Variants in ZNF260 observed in about 807,000 individuals in gnomAD.
The protein encoded by ZNF260 is zinc finger protein 260.
In ZNF260, 21 loss-of-function variants were observed where a neutral mutation model predicts 29.3. That is an observed-to-expected ratio of 0.72 (90% confidence interval 0.51 to 1.03). ZNF260 has a LOEUF of 1.03. ZNF260 is among the 50% of genes least tolerant of loss of function. The probability of loss-of-function intolerance (pLI) is 0.00; values close to 1 mark genes in which losing one functional copy is unlikely to be tolerated. For missense variants in ZNF260, 465 were observed against 487.8 expected (o/e 0.95, Z 0.44); for synonymous variants, 156 against 156.8 (o/e 0.99, Z 0.04).
Position 36,513,886 on chromosome 19 carries a change from G to A in ZNF260, c.*114C>T. On this transcript the variant is annotated 3_prime_UTR_variant, in exon 3 of 3. Transcript: ENST00000523638. The stretch of plus-strand genomic sequence containing the variant: ...CATAGTATTTAAGTTTTGAATTGCT[G>A]CTGAAGGACTTCCCACATTCATGTC... The A allele has an allele frequency of 8.3e-7, 1 of 1,198,406 alleles. No homozygotes were observed. Among genetic ancestry groups the A allele is most frequent in the South Asian group, 1.5e-5 (1 of 66,078 alleles). The allele number at this position is 1,198,406 out of a possible 1,614,324, so 74.2% of individuals were successfully genotyped here.
chr19:36,519,136 A>T (rs1447555497), intron 2 of ZNF260, among the ~76,000 whole-genome samples: 1 of 152,254 alleles, frequency 6.6e-6, no homozygotes, highest in East Asian at 1.9e-4. Context: ...AAGACAATGG[A>T]TAATCCTAAC....
chr19:36,516,021 G>A (rs1404515786), intron 2 of ZNF260, among the ~76,000 whole-genome samples: 3 of 151,742 alleles, frequency 2.0e-5, no homozygotes, highest in African/African-American at 4.8e-5. Flanking sequence ...ACAGGAGCCC[G>A]CCACCATGCC....
In ZNF260 at chr19:36,510,911, T is replaced by G. The variant is rs376398127; in HGVS notation, c.*3089A>C. On this transcript the variant is annotated 3_prime_UTR_variant, in exon 3 of 3. Transcript: ENST00000523638. Reference sequence around the variant, plus strand: ...AGCTAGTCCTGGTTTGGTCTGAATTTGAGTCCTAGTTATTCTGGTGACTTC... The same window carrying G: ...AGCTAGTCCTGGTTTGGTCTGAATTGGAGTCCTAGTTATTCTGGTGACTTC... The G allele has an allele frequency of 6.6e-6, 1 of 152,186 alleles. No homozygotes were observed. The highest frequency in any genetic ancestry group is 2.4e-5 in the African/African-American group (1 of 41,444). 9.4% of individuals were successfully genotyped at this position (152,186 alleles called of 1,614,324 possible).
rs1316612417 is a variant in ZNF260, at chr19:36,512,691, C to T, written c.*1309G>A. 1 of 152,124 alleles carries T rather than the reference C, an allele frequency of 6.6e-6. No homozygotes were observed. The highest frequency in any genetic ancestry group is 2.4e-5 in the African/African-American group (1 of 41,442). The allele number at this position is 152,124 out of a possible 1,614,324, so 9.4% of individuals were successfully genotyped here. On this transcript the variant is annotated 3_prime_UTR_variant, in exon 3 of 3. Coordinates refer to ENST00000523638, the MANE Select transcript of ZNF260 (RefSeq NM_001166037.2). ...TTACAATATGTTCATCATTTTTCTT[C>T]ACTCTAATTTTTTAAAAATATTTCT...
chr19:36,511,208 T>C lies in ZNF260; in HGVS notation c.*2792A>G, dbSNP rs936446304. On this transcript the variant is annotated 3_prime_UTR_variant, in exon 3 of 3. Coordinates refer to ENST00000523638, the MANE Select transcript of ZNF260 (RefSeq NM_001166037.2). ...TAAAATCAGTCTAAGGTTTTAATGCTGTATACCCATTTTCATAATCATTCA... is the reference window on the plus strand; with the variant it reads ...TAAAATCAGTCTAAGGTTTTAATGCCGTATACCCATTTTCATAATCATTCA... 8.5e-5 allele frequency: 13 copies of C among 152,206 alleles called. No individual in the cohort carries two copies. Among genetic ancestry groups the C allele is most frequent in the African/African-American group, 3.1e-4 (13 of 41,452 alleles). 9.4% of individuals were successfully genotyped at this position (152,206 alleles called of 1,614,324 possible).
At position 36,513,826 on chromosome 19, in the gene ZNF260, C is replaced by T. The variant is rs73931035; in HGVS notation, c.*174G>A. The T allele has an allele frequency of 3.0e-3, 2,023 of 670,888 alleles. 24 individuals are homozygous for T. Among genetic ancestry groups the T allele is most frequent in the African/African-American group, 0.029 (1,623 of 55,142 alleles). 41.6% of individuals were successfully genotyped at this position (670,888 alleles called of 1,614,324 possible). A position where few individuals can be genotyped will look rare whatever the true frequency, so the allele number is the denominator to read the frequency against. ...GCTTGTTGTGGGAGTTTTGGGGGTA[C>T]GGGTTTTCTTTACACTATAATACTT... is the stretch of plus-strand genomic sequence containing the variant. On this transcript the variant is annotated 3_prime_UTR_variant, in exon 3 of 3. Transcript: ENST00000523638.
At chr19:36,519,289 G>T (rs2034602517) in intron 2 of ZNF260, among the ~76,000 whole-genome samples, 2 of 152,052 alleles carry the variant, frequency 1.3e-5, no homozygotes, top group South Asian at 4.1e-4. Context: ...GGTTATACAA[G>T]AAATCAAACA....
chr19:36,523,630 T>G (rs2145755041), intron 2 of ZNF260, among the ~76,000 whole-genome samples: 1 of 149,866 alleles, frequency 6.7e-6, no homozygotes, highest in South Asian at 2.1e-4. Flanking sequence ...CAGACTGGAG[T>G]GCAGTGGCAT....
At chr19:36,521,386 C>A (rs1052401265) in intron 2 of ZNF260, among the ~76,000 whole-genome samples, 1 of 152,198 alleles carries the variant, frequency 6.6e-6, no homozygotes, top group Non-Finnish European at 1.5e-5. Context: ...AATGACAATG[C>A]TGAACTGAAC....
chr19:36,522,537 G>A (rs2034663442), intron 2 of ZNF260, among the ~76,000 whole-genome samples: 1 of 152,180 alleles, frequency 6.6e-6, no homozygotes, highest in South Asian at 2.1e-4. Flanking sequence ...ACATGGCCAT[G>A]TTTATTTATT....
At chr19:36,524,534 T>TTTTTTTTTTTTTTTTTTTTTG (rs1555779912) in intron 2 of ZNF260, among the ~76,000 whole-genome samples, 2 of 125,964 alleles carry the variant, frequency 1.6e-5, no homozygotes, top group Non-Finnish European at 3.5e-5. Flanking sequence ...TTTTTTTTTT[T>TTTTTTTTTTTTTTTTTTTTTG]ATTGATCATT....
chr19:36,526,131 A>C (rs537291697), intron 1 of ZNF260, among the ~76,000 whole-genome samples: 2 of 152,378 alleles, frequency 1.3e-5, no homozygotes, highest in Admixed American at 1.3e-4. Flanking sequence ...TAGATTAACT[A>C]GGAGAAGTTA....
Position 36,515,184 on chromosome 19 carries a change from G to T in ZNF260, c.55C>A (p.Gln19Lys). ...TAAGGTTTCTCTCCAGTATGAATTT[G>T]ATCATGCTGAAGGAGATCTGATTCA... ...QHESDLLQHD[Q>K]IHTGEKPYEC... The change falls in exon 3 of 3, where the codon CAA becomes AAA. Residue 19 changes from glutamine (Q) to lysine (K), a missense_variant. Gln to Lys is a moderately conservative substitution (Grantham distance 53, BLOSUM62 1). Transcript: ENST00000523638. The T allele has an allele frequency of 1.2e-6, 2 of 1,610,792 alleles. No homozygotes were observed. Among genetic ancestry groups the T allele is most frequent in the South Asian group, 2.2e-5 (2 of 90,766 alleles).
chr19:36,515,020 G>A lies in ZNF260; in HGVS notation c.219C>T (p.His73=), dbSNP rs1441475993. ...VCSRVSSLTL[H]LRSHTGKKAY... Reference sequence around the variant, plus strand: ...CCTTCTTTCCTGTGTGACTTCTAAGGTGTAGAGTAAGAGATGAGACTCGAG... The same window carrying A: ...CCTTCTTTCCTGTGTGACTTCTAAGATGTAGAGTAAGAGATGAGACTCGAG... Residue 73 remains histidine, a synonymous_variant, in exon 3 of 3, where the codon CAC becomes CAT. Coordinates refer to ENST00000523638, the MANE Select transcript of ZNF260 (RefSeq NM_001166037.2). The A allele has an allele frequency of 6.2e-7, 1 of 1,614,054 alleles. No individual in the cohort carries two copies. Among genetic ancestry groups the A allele is most frequent in the East Asian group, 2.2e-5 (1 of 44,852 alleles).
At chr19:36,518,356 A>G (rs771960436) in intron 2 of ZNF260, among the ~76,000 whole-genome samples, 1 of 152,240 alleles carries the variant, frequency 6.6e-6, no homozygotes, top group Non-Finnish European at 1.5e-5. Flanking sequence ...CAAGGCAAAG[A>G]GCAGAAAAAC....
chr19:36,520,486 T>TGTTTC (rs2034625628), intron 2 of ZNF260, among the ~76,000 whole-genome samples: 1 of 151,724 alleles, frequency 6.6e-6, no homozygotes, highest in Admixed American at 6.6e-5. Flanking sequence ...ACAGAAAACC[T>TGTTTC]AAACAGAAAC....
intron 1 of ZNF260, among the ~76,000 whole-genome samples, chr19:36,526,264 G>A (rs1004554841): frequency 1.3e-5 from 2 of 152,178 alleles, no homozygotes; most frequent in Non-Finnish European, 1.5e-5. Context: ...TATAAAGCCA[G>A]GCATGGTGGC....
intron 2 of ZNF260, among the ~76,000 whole-genome samples, chr19:36,524,516 A>AGTTTTTTTTTTTTTGTTTT (rs2034697402): frequency 1.2e-5 from 1 of 80,962 alleles, no homozygotes; most frequent in Admixed American, 1.1e-4. Flanking sequence ...CTTACATGCT[A>AGTTTTTTTTTTTTTGTTTT]GTTTTTTTTT....
chr19:36,522,556 C>T (rs1446295699), intron 2 of ZNF260, among the ~76,000 whole-genome samples: 3 of 152,108 alleles, frequency 2.0e-5, no homozygotes, highest in Non-Finnish European at 4.4e-5. Context: ...TTTTCTTGTC[C>T]ATGACTACTT....
Sources: gnomAD v4.1 joint callset for allele counts (sites outside exome capture counted in the v4.1 genomes callset) on GRCh38, gnomAD v4.1.1 for gene constraint, MANE v1.5 for transcripts, NCBI Gene and HGNC (gene_info 2026-07-23, HGNC 2026-07-21) for gene names.